The following CPNE8 variants were observed in gnomAD, a reference collection of about 807,000 sequenced individuals.
The protein encoded by CPNE8 is copine 8, also known as copine-8.
CPNE8 carries 45 observed loss-of-function variants against 81.5 expected under a neutral mutation model. The ratio of observed to expected loss-of-function variants is 0.55; its 90% confidence interval spans 0.44 to 0.71. The LOEUF is 0.71. CPNE8 is among the 30% of genes least tolerant of loss of function. The probability of loss-of-function intolerance (pLI) is 0.00; values close to 1 mark genes in which losing one functional copy is unlikely to be tolerated. For missense variants in CPNE8, 594 were observed against 672.1 expected (o/e 0.88, Z 1.28); for synonymous variants, 252 against 226.3 (o/e 1.11, Z -1.02).
chr12:38,838,543 C>A (rs562096034), intron 5 of CPNE8, among the ~76,000 whole-genome samples: 9 of 152,236 alleles, frequency 5.9e-5, no homozygotes, highest in Non-Finnish European at 1.2e-4. Context: ...TTTTCTGATT[C>A]TTTTTAGGAC....
chr12:38,860,091 C>A (rs1037377710), intron 3 of CPNE8, among the ~76,000 whole-genome samples: 1 of 151,792 alleles, frequency 6.6e-6, no homozygotes, highest in Non-Finnish European at 1.5e-5. Flanking sequence ...TTTTCCATGG[C>A]AAAGGAAAGC....
chr12:38,797,398 C>T (rs1025721983), intron 6 of CPNE8, among the ~76,000 whole-genome samples: 25 of 152,128 alleles, frequency 1.6e-4, no homozygotes, highest in African/African-American at 5.1e-4. Flanking sequence ...CACGAAAATC[C>T]GCTCTTCTGC....
intron 16 of CPNE8, among the ~76,000 whole-genome samples, 171 bp downstream of exon 16, chr12:38,685,319 G>C (rs928214230): frequency 6.6e-6 from 1 of 152,148 alleles, no homozygotes; most frequent in Admixed American, 6.6e-5. Context: ...TCTCAGCAAA[G>C]TATCATGATC....
chr12:38,902,296 A>AAAGGAAGGAAGGAAGG lies in CPNE8; in HGVS notation c.98+3125_98+3140dup, dbSNP rs1183045799. Among the ~76,000 whole-genome samples the AAAGGAAGGAAGGAAGG allele has an allele frequency of 5.2e-4, 29 of 56,152 alleles. 1 individual carries two copies. The highest frequency in any genetic ancestry group is 2.7e-3 in the African/African-American group (26 of 9,554). The allele number at this position is 56,152 out of a possible 152,430, so 36.8% of individuals were successfully genotyped here. On this transcript the variant is annotated intron_variant, in intron 1 of 19. Transcript: ENST00000331366. ...AAAGAAAAGAAAGAAGGAAGGAAGG[A>AAAGGAAGGAAGGAAGG]AAGGAAGGAAGGAAGGAAGGAAAGA... is the stretch of plus-strand genomic sequence containing the variant.
intron 19 of CPNE8, among the ~76,000 whole-genome samples, chr12:38,657,003 T>C (rs1029390504): frequency 6.6e-6 from 1 of 152,186 alleles, no homozygotes; most frequent in Non-Finnish European, 1.5e-5. Flanking sequence ...CTGAGGTACC[T>C]GGATCATCTC....
rs73095547 is a variant in CPNE8 at position 38,680,031 on chromosome 12, G to C, written c.1272-2477C>G. On this transcript the variant is annotated intron_variant, in intron 16 of 19. Transcript: ENST00000331366. The stretch of plus-strand genomic sequence containing the variant: ...GCATAATTAAGTCTTATTACTAAAA[G>C]CCAGCTGTCTTTTTTGAAATATAGC... 7.4e-3 allele frequency among the ~76,000 whole-genome samples: 1,118 copies of C among 151,810 alleles called. 11 individuals are homozygous for C. Among genetic ancestry groups the C allele is most frequent in the African/African-American group, 0.021 (858 of 41,516 alleles).
chr12:38,896,655 G>A (rs1944392941), intron 1 of CPNE8, among the ~76,000 whole-genome samples: 1 of 152,118 alleles, frequency 6.6e-6, no homozygotes, highest in South Asian at 2.1e-4. Context: ...CCACATGACT[G>A]ATTGTGTCTT....
At chr12:38,803,028 CA>C (rs1555162283) in intron 6 of CPNE8, among the ~76,000 whole-genome samples, 2 of 91,988 alleles carry the variant, frequency 2.2e-5, no homozygotes, top group African/African-American at 4.2e-5. Flanking sequence ...GTTTACCAAC[CA>C]AAAAGAGTCC....
rs141324689 is a variant in CPNE8 at position 38,766,279 on chromosome 12, G to C, written c.575+1356C>G. ...TAATCTTTATGAAGAAAACTAATAAGAATAAAAATAGAAAATCCAGGGAGC... is the reference window on the plus strand; with the variant it reads ...TAATCTTTATGAAGAAAACTAATAACAATAAAAATAGAAAATCCAGGGAGC... On this transcript the variant is annotated intron_variant, in intron 8 of 19. Transcript: ENST00000331366. 5.3e-3 allele frequency among the ~76,000 whole-genome samples: 808 copies of C among 152,200 alleles called. 9 individuals carry two copies. Among genetic ancestry groups the C allele is most frequent in the African/African-American group, 0.019 (778 of 41,532 alleles).
At chr12:38,780,946 T>A (rs1181879347) in intron 6 of CPNE8, among the ~76,000 whole-genome samples, 4 of 151,632 alleles carry the variant, frequency 2.6e-5, no homozygotes, top group Non-Finnish European at 5.9e-5. Flanking sequence ...TAAATACGAG[T>A]TAATCTTAAA....
At chr12:38,782,939 C>A (rs1038418857) in intron 6 of CPNE8, among the ~76,000 whole-genome samples, 1 of 152,128 alleles carries the variant, frequency 6.6e-6, no homozygotes, top group Non-Finnish European at 1.5e-5. Flanking sequence ...ATTGACCTCC[C>A]AAAGTGCAGG....
intron 18 of CPNE8, among the ~76,000 whole-genome samples, chr12:38,673,098 G>A (rs1209085736): frequency 1.3e-5 from 2 of 152,114 alleles, no homozygotes; most frequent in African/African-American, 2.4e-5. Flanking sequence ...GTGATAGTGA[G>A]TGAATTCTCA....
At chr12:38,795,414 A>G (rs1428570983) in intron 6 of CPNE8, among the ~76,000 whole-genome samples, 1 of 152,214 alleles carries the variant, frequency 6.6e-6, no homozygotes, top group African/African-American at 2.4e-5. Context: ...TTGAAGAGAT[A>G]TTTGCACACC....
chr12:38,833,627 C>T (rs986015632), intron 5 of CPNE8, among the ~76,000 whole-genome samples: 2 of 151,578 alleles, frequency 1.3e-5, no homozygotes, highest in Admixed American at 6.6e-5. Context: ...TACAGGCACT[C>T]GTCACCACGC....
intron 16 of CPNE8, among the ~76,000 whole-genome samples, chr12:38,681,067 A>C (rs1011778549): frequency 6.6e-6 from 1 of 152,008 alleles, no homozygotes; most frequent in African/African-American, 2.4e-5. Flanking sequence ...CGAGTGAAGA[A>C]ATTTTCATAA....
At chr12:38,737,465 T>C (rs991644017) in intron 10 of CPNE8, among the ~76,000 whole-genome samples, 4 of 152,184 alleles carry the variant, frequency 2.6e-5, no homozygotes, top group Non-Finnish European at 5.9e-5. Flanking sequence ...TTACTTTATG[T>C]AGCATATACT....
At chr12:38,853,043 T>G (rs1213262155) in intron 3 of CPNE8, among the ~76,000 whole-genome samples, 1 of 152,144 alleles carries the variant, frequency 6.6e-6, no homozygotes, top group African/African-American at 2.4e-5. Context: ...TTATAAAAAG[T>G]GAAAACTGGA....
intron 6 of CPNE8, among the ~76,000 whole-genome samples, chr12:38,819,913 T>G (rs990122903): frequency 1.3e-5 from 2 of 152,146 alleles, no homozygotes; most frequent in African/African-American, 4.8e-5. Flanking sequence ...TCCTCACCTA[T>G]TAGTTTGTTT....
At chr12:38,746,934 A>C (rs1195052083) in intron 10 of CPNE8, among the ~76,000 whole-genome samples, 2 of 152,202 alleles carry the variant, frequency 1.3e-5, no homozygotes, top group African/African-American at 4.8e-5. Context: ...ATGAATGAGG[A>C]AACATCTAAG....
Sources: allele counts gnomAD v4.1 joint callset (sites outside exome capture counted in the v4.1 genomes callset), GRCh38; gene constraint gnomAD v4.1.1; transcripts MANE v1.5; gene names NCBI Gene and HGNC (gene_info 2026-07-23, HGNC 2026-07-21).